Variants in PEAK1 observed in about 807,000 individuals in gnomAD.
PEAK1 encodes inactive tyrosine-protein kinase PEAK1.
PEAK1 carries 54 observed loss-of-function variants against 124.7 expected under a neutral mutation model. That is an observed-to-expected ratio of 0.43 (90% CI 0.35 to 0.54). The LOEUF is 0.54. Among genes scored for constraint, PEAK1 ranks in the 20% least tolerant of loss-of-function variants. The pLI is 0.01. For missense variants in PEAK1, 2,046 were observed against 2,134.5 expected, an observed-to-expected ratio of 0.96 and a Z score of 0.82; for synonymous variants, 719 against 760.0, an observed-to-expected ratio of 0.95 and a Z score of 0.89.
intron 6 of PEAK1, among the ~76,000 whole-genome samples, chr15:77,249,610 C>T (rs2060749726): frequency 6.6e-6 from 1 of 152,148 alleles, no homozygotes; most frequent in Admixed American, 6.5e-5. Context: ...CTATGTACCT[C>T]ATGGATGTGT....
At chr15:77,135,646 C>T (rs1243019862) in intron 8 of PEAK1, among the ~76,000 whole-genome samples, 2 of 152,190 alleles carry the variant, frequency 1.3e-5, no homozygotes, top group Admixed American at 1.3e-4. Context: ...TGGGAGGTAA[C>T]TGAGTCAGCA....
intron 5 of PEAK1, among the ~76,000 whole-genome samples, chr15:77,278,120 G>A (rs1346949389): frequency 2.6e-5 from 4 of 152,088 alleles, no homozygotes; most frequent in African/African-American, 9.7e-5. Flanking sequence ...GGGTATGTGG[G>A]ATATCTCTGT....
intron 5 of PEAK1, among the ~76,000 whole-genome samples, chr15:77,282,183 AC>A (rs2062706953): frequency 6.6e-6 from 1 of 152,056 alleles, no homozygotes; most frequent in African/African-American, 2.4e-5. Context: ...ACACAAATCA[AC>A]AGCTCCATAT....
intron 2 of PEAK1, among the ~76,000 whole-genome samples, chr15:77,287,497 G>A (rs537105099): frequency 6.6e-6 from 1 of 152,152 alleles, no homozygotes; most frequent in African/African-American, 2.4e-5. Flanking sequence ...AAAGGATAAA[G>A]TTGTCCTCCT....
At chr15:77,353,507 A>G (rs1443755815) in intron 2 of PEAK1, among the ~76,000 whole-genome samples, 2 of 152,170 alleles carry the variant, frequency 1.3e-5, no homozygotes, top group African/African-American at 4.8e-5. Flanking sequence ...GAATTAAAGG[A>G]GAGTTAAATG....
chr15:77,355,345 A>T (rs776122408), intron 2 of PEAK1, among the ~76,000 whole-genome samples: 4 of 152,234 alleles, frequency 2.6e-5, no homozygotes, highest in Non-Finnish European at 4.4e-5. Context: ...CATACTTATT[A>T]TAAGTAAAAT....
In PEAK1 at chr15:77,201,979, G is replaced by A. The variant is rs138091345; in HGVS notation, c.-114-19939C>T. On this transcript the variant is annotated intron_variant, in intron 6 of 9. Transcript: ENST00000682557. ...CTCCCTTTGTGCATCTGATTCATCT[G>A]CTTTTTGTCAAACTTGGTATTCATT... 4.1e-4 allele frequency among the ~76,000 whole-genome samples: 62 copies of A among 152,176 alleles called. 1 individual carries two copies. The East Asian group carries it at 0.012, about 28-fold the overall frequency.
intron 1 of PEAK1, chr15:77,401,653 C>G (rs1222093959): frequency 2.0e-6 from 2 of 984,976 alleles, no homozygotes; most frequent in Non-Finnish European, 2.4e-6. Context: ...ATTAGAACTT[C>G]AATGGACATT....
At chr15:77,292,647 AT>A (rs1257796796) in intron 2 of PEAK1, among the ~76,000 whole-genome samples, 1 of 152,122 alleles carries the variant, frequency 6.6e-6, no homozygotes, top group Non-Finnish European at 1.5e-5. Flanking sequence ...GGTGACTCAA[AT>A]TTTTTTACCA....
chr15:77,325,933 G>A (rs530763346), intron 2 of PEAK1, among the ~76,000 whole-genome samples: 1 of 151,906 alleles, frequency 6.6e-6, no homozygotes, highest in South Asian at 2.1e-4. Context: ...CAAATGTAAG[G>A]TGACCATATA....
intron 6 of PEAK1, among the ~76,000 whole-genome samples, chr15:77,224,450 T>C: frequency 6.6e-6 from 1 of 152,078 alleles, no homozygotes. Context: ...GCACTGACTG[T>C]CAACCTTGCT....
intron 8 of PEAK1, among the ~76,000 whole-genome samples, chr15:77,148,734 T>C (rs191998637): frequency 7.4e-4 from 111 of 150,732 alleles, no homozygotes; most frequent in Non-Finnish European, 1.3e-3. Flanking sequence ...CTGGGCAACA[T>C]AGGGAGACTC....
chr15:77,115,614 G>A (rs1176698702), intron 9 of PEAK1, among the ~76,000 whole-genome samples: 1 of 142,940 alleles, frequency 7.0e-6, no homozygotes, highest in African/African-American at 2.5e-5. Flanking sequence ...CCGGGGTTAT[G>A]TGTGCAAACC....
At position 77,270,632 on chromosome 15, in the gene PEAK1, G is replaced by A. The variant is rs560155379; in HGVS notation, c.-275+13251C>T. 2.0e-5 allele frequency among the ~76,000 whole-genome samples: 3 copies of A among 152,250 alleles called. No homozygotes were observed. The South Asian group carries it at 6.2e-4, about 32-fold the overall frequency. Reference sequence around the variant, plus strand: ...CACTGCTCAACGGCTAAGCTCATAGGCTTAGGATTGACTTGGCAATGAGGG... The same window carrying A: ...CACTGCTCAACGGCTAAGCTCATAGACTTAGGATTGACTTGGCAATGAGGG... On this transcript the variant is annotated intron_variant, in intron 5 of 9. Coordinates refer to ENST00000682557, the MANE Select transcript of PEAK1 (RefSeq NM_001385026.1).
chr15:77,121,134 G>C (rs1204971510), intron 9 of PEAK1, among the ~76,000 whole-genome samples: 1 of 151,784 alleles, frequency 6.6e-6, no homozygotes, highest in South Asian at 2.1e-4. Context: ...TGCTACCTGG[G>C]TATATCTCAT....
At chr15:77,241,440 C>T (rs889702283) in intron 6 of PEAK1, among the ~76,000 whole-genome samples, 8 of 152,062 alleles carry the variant, frequency 5.3e-5, no homozygotes, top group Non-Finnish European at 1.0e-4. Context: ...CCTATACTAC[C>T]ATCATTCCTG....
chr15:77,209,705 A>T (rs1323770043), intron 6 of PEAK1, among the ~76,000 whole-genome samples: 5 of 152,154 alleles, frequency 3.3e-5, no homozygotes, highest in East Asian at 1.9e-4. Flanking sequence ...GAATATTTTT[A>T]AAATTTTTTC....
In PEAK1 at chr15:77,138,165, CTT is replaced by C. The variant is rs537478268; in HGVS notation, c.3332-4417_3332-4416del. Among the ~76,000 whole-genome samples the C allele has an allele frequency of 5.4e-4, 82 of 152,240 alleles. No homozygotes were observed. The East Asian group carries it at 0.015, about 28-fold the overall frequency. ...GTAAATTGCCCAGTCTTGGATATGA[CTT>C]TATCAGCAGCGTGAAAATGGACTAA... On this transcript the variant is annotated intron_variant, in intron 8 of 9. Transcript: ENST00000682557.
At chr15:77,218,893 G>T (rs945733668) in intron 6 of PEAK1, among the ~76,000 whole-genome samples, 9 of 152,114 alleles carry the variant, frequency 5.9e-5, no homozygotes, top group African/African-American at 2.2e-4. Flanking sequence ...GAGTGTGGGG[G>T]TGGTGTGGAG....
Sources: allele counts gnomAD v4.1 joint callset (sites outside exome capture counted in the v4.1 genomes callset), GRCh38; gene constraint gnomAD v4.1.1; transcripts MANE v1.5; gene names NCBI Gene and HGNC (gene_info 2026-07-23, HGNC 2026-07-21).